SLC7A11: variants seen among roughly 807,000 people sequenced by gnomAD.
SLC7A11 encodes the protein cystine/glutamate transporter.
In SLC7A11, 35 loss-of-function variants were observed where a neutral mutation model predicts 54.5. The ratio of observed to expected loss-of-function variants is 0.64; its 90% CI spans 0.49 to 0.85. SLC7A11 has a LOEUF of 0.85. Among genes scored for constraint, SLC7A11 ranks in the 40% least tolerant of loss-of-function variants. SLC7A11 has a pLI of 0.00. For missense variants in SLC7A11, 583 were observed against 618.1 expected (o/e 0.94, Z 0.60); for synonymous variants, 230 against 225.2 (o/e 1.02, Z -0.19).
chr4:138,194,654 G>T lies in SLC7A11; in HGVS notation c.792-9410C>A, dbSNP rs567774462. ...CATCCCAAATGTAAATTGTCTTTTG[G>T]TGACATCTTTTCTCTGGAGTTCTGT... On this transcript the variant is annotated intron_variant, in intron 6 of 11. Transcript: ENST00000280612. Among the ~76,000 whole-genome samples, 3 of 152,038 alleles carry T rather than the reference G, an allele frequency of 2.0e-5. No homozygotes were observed. In the South Asian group the frequency reaches 6.2e-4, roughly 32 times the overall value.
At chr4:138,236,936 T>G (rs1578675915) in intron 1 of SLC7A11, among the ~76,000 whole-genome samples, 1 of 152,126 alleles carries the variant, frequency 6.6e-6, no homozygotes, top group African/African-American at 2.4e-5. Context: ...ATGAACAAGC[T>G]GTATCCACTC....
intron 6 of SLC7A11, among the ~76,000 whole-genome samples, chr4:138,187,681 T>A (rs1354588921): frequency 6.6e-6 from 1 of 152,160 alleles, no homozygotes; most frequent in Non-Finnish European, 1.5e-5. Context: ...AACACTACAG[T>A]TTTATCTATC....
rs1736369849 is a variant in SLC7A11 at position 138,170,031 on chromosome 4, A to G, written c.*1925T>C. ...CTTTGGACAATTTTTTATGAATTCT[A>G]TGTTTGCCTTTAATAATTTTAATTG... On this transcript the variant is annotated 3_prime_UTR_variant, in exon 12 of 12. Transcript: ENST00000280612. 1 of 151,476 alleles carries G rather than the reference A, an allele frequency of 6.6e-6. No homozygotes were observed. Among genetic ancestry groups the G allele is most frequent in the African/African-American group, 2.4e-5 (1 of 41,292 alleles). The allele number at this position is 151,476 out of a possible 1,614,324, so 9.4% of individuals were successfully genotyped here.
At chr4:138,194,777 T>C (rs1737091637) in intron 6 of SLC7A11, among the ~76,000 whole-genome samples, 2 of 152,182 alleles carry the variant, frequency 1.3e-5, no homozygotes, top group South Asian at 4.1e-4. Flanking sequence ...ACCAAATCTC[T>C]CTGGACTTAC....
intron 6 of SLC7A11, among the ~76,000 whole-genome samples, chr4:138,187,281 A>G (rs1159455702): frequency 6.6e-6 from 1 of 152,134 alleles, no homozygotes; most frequent in East Asian, 1.9e-4. Flanking sequence ...GTTTCCCTTC[A>G]TTCTGTTTGT....
At chr4:138,173,343 A>AT (rs1432356677) in intron 11 of SLC7A11, among the ~76,000 whole-genome samples, 5 of 151,752 alleles carry the variant, frequency 3.3e-5, no homozygotes, top group African/African-American at 4.8e-5. Flanking sequence ...TTTAAAAGGT[A>AT]TTTTTTTCAG....
chr4:138,238,068 A>T (rs1033794149), intron 1 of SLC7A11, among the ~76,000 whole-genome samples: 1 of 152,026 alleles, frequency 6.6e-6, no homozygotes, highest in African/African-American at 2.4e-5. Context: ...TATACTTTTT[A>T]AAATGAGGTG....
chr4:138,217,901 G>C (rs1737718052), intron 5 of SLC7A11, among the ~76,000 whole-genome samples: 1 of 152,180 alleles, frequency 6.6e-6, no homozygotes, highest in South Asian at 2.1e-4. Context: ...ACCACATTGT[G>C]CTTCAGACAA....
At position 138,171,907 on chromosome 4, in the gene SLC7A11, A is replaced by G; in HGVS notation, c.*49T>C. On this transcript the variant is annotated 3_prime_UTR_variant, in exon 12 of 12. Transcript: ENST00000280612. ...TTCAGAAAATGAAGTAAAAATCCCTATTTTGTGTCTCCCCTTGGGCAGATT... is the reference window on the plus strand; with the variant it reads ...TTCAGAAAATGAAGTAAAAATCCCTGTTTTGTGTCTCCCCTTGGGCAGATT... The G allele has an allele frequency of 6.4e-7, 1 of 1,554,726 alleles. No homozygotes were observed. The highest frequency in any genetic ancestry group is 8.6e-7 in the Non-Finnish European group (1 of 1,161,032).
At chr4:138,180,538 A>G (rs1401136996) in intron 10 of SLC7A11, 103 bp downstream of exon 10, 2 of 1,136,360 alleles carry the variant, frequency 1.8e-6, no homozygotes, top group Non-Finnish European at 2.5e-6. Flanking sequence ...TATTCCACAG[A>G]TGCTGCCCCC....
intron 6 of SLC7A11, among the ~76,000 whole-genome samples, chr4:138,191,205 C>T (rs142364386): frequency 1.3e-3 from 202 of 152,190 alleles, no homozygotes; most frequent in African/African-American, 4.6e-3. Context: ...AGTGATGGGC[C>T]GAGCATATTG....
intron 6 of SLC7A11, among the ~76,000 whole-genome samples, chr4:138,205,470 G>A (rs1184027065): frequency 6.6e-6 from 1 of 151,974 alleles, no homozygotes; most frequent in Non-Finnish European, 1.5e-5. Context: ...TTCAGTGCAT[G>A]GTGTGTGTAA....
chr4:138,241,834 G>A lies in SLC7A11; in HGVS notation c.236C>T (p.Ser79Phe). 1 of 1,614,112 alleles carries A rather than the reference G, an allele frequency of 6.2e-7. No individual in the cohort carries two copies. The highest frequency in any genetic ancestry group is 8.5e-7 in the Non-Finnish European group (1 of 1,180,004). The part of the protein sequence containing the change: ...VLQNTGSVGM[S>F]LTIWTVCGVL... ...CCCACACACCGTCCAGATGGTCAGA[G>A]ACATGCCCACGCTGCCCGTGTTCTG... Residue 79 changes from serine (S) to phenylalanine (F), a missense_variant, in exon 1 of 12, where the codon TCT becomes TTT. By Grantham distance (155) the Ser-to-Phe change is radical (BLOSUM62 -2). Coordinates refer to ENST00000280612, the MANE Select transcript of SLC7A11 (RefSeq NM_014331.4).
intron 6 of SLC7A11, among the ~76,000 whole-genome samples, chr4:138,185,907 G>A (rs187452897): frequency 6.6e-6 from 1 of 152,180 alleles, no homozygotes; most frequent in Non-Finnish European, 1.5e-5. Context: ...TCACAATAAT[G>A]ACTTTGCACT....
rs866867589 is a variant in SLC7A11 at position 138,172,945 on chromosome 4, G to A, written c.1445-928C>T. On this transcript the variant is annotated intron_variant, in intron 11 of 11. Transcript: ENST00000280612. Reference sequence around the variant, plus strand: ...TGAAACCTCCACCTCCCAGATTCACGCGATTCTCCTGCCTCAGCCTCCCAA... The same window carrying A: ...TGAAACCTCCACCTCCCAGATTCACACGATTCTCCTGCCTCAGCCTCCCAA... Among the ~76,000 whole-genome samples, 8 of 152,048 alleles carry A rather than the reference G, an allele frequency of 5.3e-5. No individual in the cohort carries two copies. In the South Asian group the frequency reaches 8.3e-4, roughly 16 times the overall value.
intron 11 of SLC7A11, chr4:138,175,525 A>C (rs1736548147): frequency 6.6e-6 from 1 of 152,122 alleles, no homozygotes; most frequent in Non-Finnish European, 1.5e-5. Flanking sequence ...CTCGCGTGAG[A>C]AGCTTGTGTT....
At chr4:138,203,868 C>A (rs774819641) in intron 6 of SLC7A11, among the ~76,000 whole-genome samples, 2 of 152,014 alleles carry the variant, frequency 1.3e-5, no homozygotes, top group Non-Finnish European at 2.9e-5. Context: ...GGATAAGATG[C>A]AAAATTCTTA....
intron 5 of SLC7A11, among the ~76,000 whole-genome samples, chr4:138,217,452 C>A (rs1444784121): frequency 6.6e-6 from 1 of 152,122 alleles, no homozygotes; most frequent in East Asian, 1.9e-4. Flanking sequence ...TGAAAAGGGT[C>A]TTCATCCATG....
At chr4:138,228,758 CAAAAAAAAAAAA>C (rs5862371) in intron 3 of SLC7A11, among the ~76,000 whole-genome samples, 1 of 67,776 alleles carries the variant, frequency 1.5e-5, no homozygotes, top group African/African-American at 6.0e-5. Context: ...GACTCCGTCT[CAAAAAAAAAAAA>C]AAAAAAAAAA....
Sources: allele counts gnomAD v4.1 joint callset (sites outside exome capture counted in the v4.1 genomes callset), GRCh38; gene constraint gnomAD v4.1.1; transcripts MANE v1.5; gene names NCBI Gene and HGNC (gene_info 2026-07-23, HGNC 2026-07-21).